Variants in MDM1 observed in about 807,000 individuals in gnomAD.
The protein encoded by MDM1 is Mdm1 nuclear protein.
MDM1 carries 61 observed loss-of-function variants against 89.1 expected under a neutral mutation model. The observed-to-expected ratio is 0.68, with a 90% CI of 0.56 to 0.85. The LOEUF (loss-of-function observed/expected upper bound fraction) is 0.85, where lower values mean the gene tolerates loss of function less well. Ranked by LOEUF, MDM1 falls within the 40% of genes least tolerant of loss-of-function variation. The pLI, the probability that MDM1 is intolerant of heterozygous loss-of-function variation, is 0.00. For synonymous variants in MDM1, 290 were observed against 294.1 expected (o/e 0.99, Z 0.14); for missense variants, 820 against 846.5 (o/e 0.97, Z 0.39).
chr12:68,324,909 C>A (rs1165616184), intron 4 of MDM1: 2 of 659,958 alleles, frequency 3.0e-6, no homozygotes, highest in East Asian at 1.4e-4. Flanking sequence ...AAATCTAATA[C>A]CACATCATTA....
In MDM1 at chr12:68,325,431, A is replaced by T; in HGVS notation, c.633+10T>A. The stretch of plus-strand genomic sequence containing the variant: ...TGGTACTCAGAAATGTATTACATCC[A>T]TTAAGCTACCTGATTGGCTGCAAAA... On this transcript the variant is annotated intron_variant, in intron 4 of 14. Coordinates refer to ENST00000682720, the MANE Select transcript of MDM1 (RefSeq NM_001354969.2). The T allele has an allele frequency of 1.3e-6, 2 of 1,557,302 alleles. No homozygotes were observed. The highest frequency in any genetic ancestry group is 1.7e-6 in the Non-Finnish European group (2 of 1,154,594).
In MDM1 at chr12:68,321,236, T is replaced by C. The variant is rs142387873; in HGVS notation, c.1005+111A>G. ...TGATACTATTAGTGCTATTATTATATCATACTTCTTTAAATTGTGGTCTCT... is the reference window on the plus strand; with the variant it reads ...TGATACTATTAGTGCTATTATTATACCATACTTCTTTAAATTGTGGTCTCT... On this transcript the variant is annotated intron_variant, in intron 7 of 14. Coordinates refer to ENST00000682720, the MANE Select transcript of MDM1 (RefSeq NM_001354969.2). The C allele has an allele frequency of 4.8e-4, 329 of 681,350 alleles. 1 individual carries two copies. In the African/African-American group the frequency reaches 5.3e-3, roughly 11 times the overall value. The allele number at this position is 681,350 out of a possible 1,614,324, so 42.2% of individuals were successfully genotyped here.
At chr12:68,322,354 C>A (rs776826628) in intron 5 of MDM1, among the ~76,000 whole-genome samples, 1 of 152,090 alleles carries the variant, frequency 6.6e-6, no homozygotes, top group South Asian at 2.1e-4. Flanking sequence ...ATGTGATGGC[C>A]GGGTGTGGTG....
intron 4 of MDM1, among the ~76,000 whole-genome samples, chr12:68,323,847 G>T (rs1251375788): frequency 6.6e-6 from 1 of 152,138 alleles, no homozygotes; most frequent in African/African-American, 2.4e-5. Flanking sequence ...TGTAATGCTG[G>T]ATAGTACATC....
At chr12:68,302,982 A>C in intron 12 of MDM1, 110 bp from the exon 13 acceptor site, 10 of 965,044 alleles carry the variant, frequency 1.0e-5, no homozygotes, top group Non-Finnish European at 1.3e-5. Context: ...AAGGAGAAAT[A>C]TGAGAGAATT....
chr12:68,316,586 C>A lies in MDM1; in HGVS notation c.1030G>T (p.Ala344Ser), dbSNP rs1223306771. 1.3e-6 allele frequency: 2 copies of A among 1,534,998 alleles called. No individual in the cohort carries two copies. The highest frequency in any genetic ancestry group is 2.4e-5 in the South Asian group (2 of 83,966). ...NQGSLNAMWY[A>S]EVKELREKAE... ...AAAACTCAAAAGCAACCAACCTCAG[C>A]ATACCACATGGCATTTAGAGAACCC... The change falls in exon 8 of 15, where the codon GCT becomes TCT. Residue 344 changes from alanine (A) to serine (S), a missense_variant. Coordinates refer to ENST00000682720, the MANE Select transcript of MDM1 (RefSeq NM_001354969.2).
intron 13 of MDM1, among the ~76,000 whole-genome samples, chr12:68,300,298 T>C (rs1014393054): frequency 6.6e-6 from 1 of 151,978 alleles, no homozygotes; most frequent in Non-Finnish European, 1.5e-5. Context: ...AGTATCTAAG[T>C]AACAACTAAC....
At position 68,295,223 on chromosome 12, in the gene MDM1, G is replaced by A; in HGVS notation, c.*31C>T. The A allele has an allele frequency of 2.1e-6, 3 of 1,436,138 alleles. No individual in the cohort carries two copies. The highest frequency in any genetic ancestry group is 2.0e-5 in the Admixed American group (1 of 49,368). 89.0% of individuals were successfully genotyped at this position (1,436,138 alleles called of 1,614,324 possible). ...AGCAATAAAGAAAAATTATGCCAAT[G>A]TTTCCTTAGATAAAGGCAACTCAGC... On this transcript the variant is annotated 3_prime_UTR_variant, in exon 15 of 15. Transcript: ENST00000682720.
Position 68,314,997 on chromosome 12 carries a change from C to G in MDM1, c.1480G>C (p.Glu494Gln). 2 of 1,614,158 alleles carry G rather than the reference C, an allele frequency of 1.2e-6. No individual in the cohort carries two copies. The highest frequency in any genetic ancestry group is 1.3e-5 in the African/African-American group (1 of 75,042). Residue 494 changes from glutamate to glutamine, a missense_variant, in exon 10 of 15, where the codon GAG (glutamate) becomes CAG (glutamine). Transcript: ENST00000682720. ...TGKQAFMGEQ[E>Q]KLDVREKSKA... ...GATTTCTCACGTACATCCAACTTCT[C>G]TTGCTCTCCCATAAAAGCCTGCTTG... is the stretch of plus-strand genomic sequence containing the variant.
chr12:68,312,867 G>A (rs761533618), intron 12 of MDM1, among the ~76,000 whole-genome samples: 8 of 151,978 alleles, frequency 5.3e-5, no homozygotes, highest in Non-Finnish European at 1.2e-4. Flanking sequence ...TGCACTTACT[G>A]TTCTTGTCAC....
chr12:68,325,522 A>G lies in MDM1; in HGVS notation c.552T>C (p.Asn184=). 1.9e-6 allele frequency: 3 copies of G among 1,599,726 alleles called. No homozygotes were observed. Among genetic ancestry groups the G allele is most frequent in the African/African-American group, 2.7e-5 (2 of 74,602 alleles). ...TTTGATATTCAGAATTTCTCAAGGC[A>G]TTATATGAAGGAACAACAGTCAATC... is the stretch of plus-strand genomic sequence containing the variant. ...KAGLTVVPSY[N]ALRNSEYQRQ... is the part of the protein sequence containing the mutation. Residue 184 remains asparagine, a synonymous_variant, in exon 4 of 15, where the codon AAT becomes AAC. Transcript: ENST00000682720.
intron 12 of MDM1, among the ~76,000 whole-genome samples, chr12:68,308,750 TA>T (rs566414653): frequency 7.4e-4 from 113 of 152,330 alleles, no homozygotes; most frequent in African/African-American, 2.5e-3. Flanking sequence ...GCCTATTAAA[TA>T]TTGAATTGAA....
intron 12 of MDM1, among the ~76,000 whole-genome samples, chr12:68,305,307 A>G (rs1376294960): frequency 6.6e-6 from 1 of 152,172 alleles, no homozygotes; most frequent in Non-Finnish European, 1.5e-5. Context: ...CCCACAGCCA[A>G]TATCATACTG....
At chr12:68,321,671 C>T in intron 5 of MDM1, 43 bp from the exon 6 acceptor site, 2 of 1,280,098 alleles carry the variant, frequency 1.6e-6, no homozygotes, top group Non-Finnish European at 2.2e-6. Flanking sequence ...TAAGATGTTA[C>T]ACATTAAAGT....
chr12:68,299,534 G>C (rs1394589802), intron 13 of MDM1, among the ~76,000 whole-genome samples: 7 of 152,044 alleles, frequency 4.6e-5, no homozygotes, highest in Non-Finnish European at 8.8e-5. Flanking sequence ...AGAACAAGTA[G>C]AAGATAGCTG....
In MDM1 at chr12:68,332,235, C is replaced by A. The variant is rs925250920; in HGVS notation, c.11G>T (p.Arg4Leu). 2.5e-6 allele frequency: 4 copies of A among 1,581,620 alleles called. No homozygotes were observed. The African/African-American group carries it at 4.0e-5, about 16-fold the overall frequency. The change falls in exon 1 of 15, where the codon CGC becomes CTC. Residue 4 changes from arginine to leucine, a missense_variant. By Grantham distance (102) the Arg-to-Leu change is moderately radical. Transcript: ENST00000682720. Reference protein sequence around the residue: MPVRFKGLSEYQRN... With the variant: MPVLFKGLSEYQRN... ...CGGGGACCCCAGCCTCACCTTGAAG[C>A]GCACCGGCATGTCGCCCGGCGCCGG...
chr12:68,299,466 A>G (rs1871859203), intron 13 of MDM1, among the ~76,000 whole-genome samples: 1 of 152,166 alleles, frequency 6.6e-6, no homozygotes, highest in South Asian at 2.1e-4. Context: ...GAACATCTGG[A>G]AATAAAAAAC....
At chr12:68,296,266 A>G (rs544561624) in intron 14 of MDM1, among the ~76,000 whole-genome samples, 6 of 152,324 alleles carry the variant, frequency 3.9e-5, no homozygotes, top group East Asian at 1.9e-4. Context: ...TTGGGAGGCC[A>G]AGGTGGGCGG....
At chr12:68,326,314 T>G (rs1341880754) in intron 3 of MDM1, 2 of 1,364,062 alleles carry the variant, frequency 1.5e-6, no homozygotes, top group East Asian at 5.4e-5. Flanking sequence ...AGAAGTCAGC[T>G]CAGCACCCTG....
Sources: gnomAD v4.1 joint callset for allele counts (sites outside exome capture counted in the v4.1 genomes callset) on GRCh38, gnomAD v4.1.1 for gene constraint, MANE v1.5 for transcripts, NCBI Gene and HGNC (gene_info 2026-07-23, HGNC 2026-07-21) for gene names.